OCRL: variants seen among roughly 807,000 people sequenced by gnomAD.
The protein encoded by OCRL is inositol polyphosphate 5-phosphatase OCRL.
A neutral mutation model predicts 78.9 loss-of-function variants in OCRL; 8 were observed. The ratio of observed to expected loss-of-function variants is 0.10; its 90% confidence interval spans 0.06 to 0.18. The LOEUF (loss-of-function observed/expected upper bound fraction) is 0.18. Ranked by LOEUF, OCRL falls within the 10% of genes least tolerant of loss-of-function variation. The pLI is 1.00. For synonymous variants in OCRL, 240 were observed against 235.4 expected (o/e 1.02, Z -0.18); for missense variants, 454 against 696.7 (o/e 0.65, Z 3.92).
In OCRL at chrX:129,591,218, C is replaced by T. The variant is rs1159443143; in HGVS notation, c.*948C>T. ...GGCCCATCTAGAGCTATTGCTCCTT[C>T]CCACAGCAAAGGTATTGTGGATGAC... On this transcript the variant is annotated 3_prime_UTR_variant, in exon 24 of 24. Coordinates refer to ENST00000371113, the MANE Select transcript of OCRL (RefSeq NM_000276.4). The T allele has an allele frequency of 8.8e-6, 1 of 114,055 alleles. No individual in the cohort carries two copies. Among genetic ancestry groups the T allele is most frequent in the East Asian group, 2.8e-4 (1 of 3,563 alleles). The allele number at this position is 114,055 out of a possible 1,213,427, so 9.4% of individuals were successfully genotyped here.
intron 15 of OCRL, among the ~76,000 whole-genome samples, chrX:129,570,732 T>C (rs761007393): frequency 8.9e-6 from 1 of 112,670 alleles, no homozygotes; most frequent in African/African-American, 3.2e-5. Flanking sequence ...ACACATCTCA[T>C]TTACTCCTCA....
rs191336791 is a variant in OCRL, at chrX:129,587,705, A to C, written c.2257-474A>C. Among the ~76,000 whole-genome samples, 7 of 109,177 alleles carry C rather than the reference A, an allele frequency of 6.4e-5. No homozygotes were observed. In the East Asian group the frequency reaches 2.1e-3, roughly 32 times the overall value. 94.8% of individuals were successfully genotyped at this position (109,177 alleles called of 115,157 possible). On this transcript the variant is annotated intron_variant, in intron 20 of 23. Coordinates refer to ENST00000371113, the MANE Select transcript of OCRL (RefSeq NM_000276.4). ...GTAGTACTAGCATTTGAATGTGGTT[A>C]TTCTGTTTGGACTCTGCCTTCTGCT... is the stretch of plus-strand genomic sequence containing the variant.
intron 4 of OCRL, chrX:129,549,899 G>A (rs1854344942): frequency 8.9e-6 from 1 of 112,033 alleles, no homozygotes; most frequent in Admixed American, 9.5e-5. Flanking sequence ...CTAGTTACTG[G>A]CTCATAGGGG....
chrX:129,573,421 C>G (rs1381109503), intron 15 of OCRL, among the ~76,000 whole-genome samples: 1 of 111,436 alleles, frequency 9.0e-6, no homozygotes, highest in Non-Finnish European at 1.9e-5. Flanking sequence ...TGTTGTTCCC[C>G]TCCCTGTGTC....
At chrX:129,587,190 G>A (rs1287863731) in intron 20 of OCRL, 72 bp downstream of exon 20, 7 of 666,732 alleles carry the variant, frequency 1.0e-5, no homozygotes, top group South Asian at 2.2e-5. Context: ...AACACCTCAC[G>A]TCAGCATAGC....
At chrX:129,561,512 G>T (rs1199880114) in intron 10 of OCRL, among the ~76,000 whole-genome samples, 2 of 111,082 alleles carry the variant, frequency 1.8e-5, no homozygotes, top group Non-Finnish European at 3.8e-5. Flanking sequence ...TAGCTTTTAG[G>T]GGAAAAAAGA....
In OCRL at chrX:129,571,482, A is replaced by G. The variant is rs1203701961; in HGVS notation, c.1602+2083A>G. Reference sequence around the variant, plus strand: ...TGGGTTCACGCCATTCTCTTGCCTCAGCCTCCCGCCCAGCTAATTTTTTGT... The same window carrying G: ...TGGGTTCACGCCATTCTCTTGCCTCGGCCTCCCGCCCAGCTAATTTTTTGT... On this transcript the variant is annotated intron_variant, in intron 15 of 23. Transcript: ENST00000371113. Among the ~76,000 whole-genome samples the G allele has an allele frequency of 3.9e-5, 4 of 103,507 alleles. No individual in the cohort carries two copies. The East Asian group carries it at 1.2e-3, about 31-fold the overall frequency. The allele number at this position is 103,507 out of a possible 115,157, so 89.9% of individuals were successfully genotyped here.
chrX:129,591,160 C>A lies in OCRL; in HGVS notation c.*890C>A. The A allele has an allele frequency of 8.6e-6, 1 of 115,942 alleles. No homozygotes were observed. 9.6% of individuals were successfully genotyped at this position (115,942 alleles called of 1,213,427 possible). On this transcript the variant is annotated 3_prime_UTR_variant, in exon 24 of 24. Transcript: ENST00000371113. ...TCCACCTCCAGAGCAACACTGGCCC[C>A]ACAGTAAAAGAGGAAGTCTTGTACC...
chrX:129,556,515 A>C (rs1200245256), intron 4 of OCRL, among the ~76,000 whole-genome samples: 1 of 112,258 alleles, frequency 8.9e-6, no homozygotes, highest in Non-Finnish European at 1.9e-5. Flanking sequence ...CGTATGTAAT[A>C]AATCAGTTAC....
At chrX:129,582,043 C>T (rs1321319438) in intron 18 of OCRL, among the ~76,000 whole-genome samples, 1 of 108,382 alleles carries the variant, frequency 9.2e-6, no homozygotes, top group East Asian at 2.9e-4. Context: ...AGTCTGACTT[C>T]AACATACCTT....
intron 3 of OCRL, among the ~76,000 whole-genome samples, chrX:129,545,471 A>G (rs1935866608): frequency 2.7e-5 from 3 of 112,589 alleles, no homozygotes; most frequent in Non-Finnish European, 5.6e-5. Context: ...CCAGACTGTA[A>G]TATCTTACAC....
chrX:129,553,445 AT>A (rs1935994127), intron 4 of OCRL, among the ~76,000 whole-genome samples: 1 of 111,946 alleles, frequency 8.9e-6, no homozygotes. Context: ...ATCCAGGAAG[AT>A]TTTTGTTTTT....
At position 129,587,097 on chromosome X, in the gene OCRL, A is replaced by G; in HGVS notation, c.2235A>G (p.Leu745=). Residue 745 remains leucine (L), a synonymous_variant, in exon 20 of 24, where the codon CTA becomes CTG. Coordinates refer to ENST00000371113, the MANE Select transcript of OCRL (RefSeq NM_000276.4). ...AGATCTGGCTTCTAGTAGATCACCT[A>G]TTCAAATACGCCTGTCACCAGGTAA... ...PKEIWLLVDH[L]FKYACHQEDL... is the part of the protein sequence containing the mutation. 2.5e-6 allele frequency: 3 copies of G among 1,184,515 alleles called. No individual in the cohort carries two copies. Among genetic ancestry groups the G allele is most frequent in the Non-Finnish European group, 3.4e-6 (3 of 870,454 alleles).
chrX:129,588,179 G>A lies in OCRL; in HGVS notation c.2257G>A (p.Glu753Lys). ...DHLFKYACHQ[E>K]DLFQTPGMQE... ...CCCTTCATTCTGACTTCTTTGGTAGGAGGACCTGTTCCAGACCCCTGGAAT... is the reference window on the plus strand; with the variant it reads ...CCCTTCATTCTGACTTCTTTGGTAGAAGGACCTGTTCCAGACCCCTGGAAT... The change falls in exon 21 of 24, where the codon GAG (glutamate) becomes AAG (lysine). Residue 753 changes from glutamate (E) to lysine (K), a missense_variant and splice_region_variant. By Grantham distance (56) the Glu-to-Lys change is moderately conservative. This residue lies in a region of OCRL where 277 missense variants were observed against 517.1 expected (regional missense o/e 0.54). Coordinates refer to ENST00000371113, the MANE Select transcript of OCRL (RefSeq NM_000276.4). 1 of 1,190,809 alleles carries A rather than the reference G, an allele frequency of 8.4e-7. No individual in the cohort carries two copies. The highest frequency in any genetic ancestry group is 1.1e-6 in the Non-Finnish European group (1 of 876,749).
intron 2 of OCRL, among the ~76,000 whole-genome samples, chrX:129,542,840 G>C (rs1024015918): frequency 9.0e-6 from 1 of 111,645 alleles, no homozygotes; most frequent in Non-Finnish European, 1.9e-5. Context: ...CGAGTGTCCA[G>C]AACTTTTTAC....
chrX:129,566,813 T>C (rs923932622), intron 13 of OCRL, among the ~76,000 whole-genome samples: 2 of 112,454 alleles, frequency 1.8e-5, no homozygotes, highest in African/African-American at 6.5e-5. Flanking sequence ...CTGAGTCTTA[T>C]ATAACTCTGG....
rs770862031 is a variant in OCRL at position 129,584,384 on chromosome X, G to A, written c.2139+17G>A. The A allele has an allele frequency of 8.4e-7, 1 of 1,196,504 alleles. No individual in the cohort carries two copies. The highest frequency in any genetic ancestry group is 2.2e-5 in the Admixed American group (1 of 46,016). On this transcript the variant is annotated intron_variant, in intron 19 of 23. Transcript: ENST00000371113. ...CTAGAAAAGGTAATGCAATCCATTG[G>A]TGGTTATGAGAGTTTCCCTGTGCTT...
At chrX:129,563,721 A>G (rs1028043902) in intron 12 of OCRL, among the ~76,000 whole-genome samples, 20 of 111,917 alleles carry the variant, frequency 1.8e-4, no homozygotes, top group Non-Finnish European at 3.4e-4. Flanking sequence ...ATGTGGTGGT[A>G]GAAAATGATT....
chrX:129,590,206 C>T lies in OCRL; in HGVS notation c.2642C>T (p.Pro881Leu), dbSNP rs1393446335. Residue 881 changes from proline to leucine, a missense_variant, in exon 24 of 24, where the codon CCA becomes CTA. Physicochemically the swap from Pro to Leu is moderately conservative, Grantham distance 98 (BLOSUM62 -3). This residue lies in a region of OCRL where 277 missense variants were observed against 517.1 expected (regional missense o/e 0.54). Coordinates refer to ENST00000371113, the MANE Select transcript of OCRL (RefSeq NM_000276.4). ...PPPNLMARQT[P>L]SDRQRAIQFL... The stretch of plus-strand genomic sequence containing the variant: ...CCCAACCTTATGGCAAGACAGACTC[C>T]AAGTGACCGCCAGCGTGCTATTCAG... 8.3e-7 allele frequency: 1 copy of T among 1,211,444 alleles called. No individual in the cohort carries two copies. The highest frequency in any genetic ancestry group is 1.1e-6 in the Non-Finnish European group (1 of 895,299).
Sources: gnomAD v4.1 joint callset for allele counts (sites outside exome capture counted in the v4.1 genomes callset) on GRCh38, gnomAD v4.1.1 for gene constraint, gnomAD v4.1.1 regional missense constraint, MANE v1.5 for transcripts, NCBI Gene and HGNC (gene_info 2026-07-23, HGNC 2026-07-21) for gene names.